The following TIAM2 variants were observed in gnomAD, a reference collection of about 807,000 sequenced individuals.
The protein encoded by TIAM2 is TIAM Rac1 associated GEF 2.
A neutral mutation model predicts 152.9 loss-of-function variants in TIAM2; 80 were observed. That is an observed-to-expected ratio of 0.52 (90% CI 0.44 to 0.63). The LOEUF (loss-of-function observed/expected upper bound fraction) is 0.63. TIAM2 is among the 30% of genes least tolerant of loss of function. The probability of loss-of-function intolerance (pLI) is 0.00; values close to 1 mark genes in which losing one functional copy is unlikely to be tolerated. For synonymous variants in TIAM2, 804 were observed against 838.0 expected (o/e 0.96, Z 0.70); for missense variants, 1,965 against 2,120.1 (o/e 0.93, Z 1.44).
At chr6:155,086,820 A>C (rs572858991) in intron 1 of TIAM2, among the ~76,000 whole-genome samples, 1 of 152,258 alleles carries the variant, frequency 6.6e-6, no homozygotes, top group East Asian at 1.9e-4. Context: ...GCCAAGCCAC[A>C]TATTAATCAC....
chr6:155,256,442 C>A, intron 26 of TIAM2, 42 bp from the exon 27 acceptor site: 1 of 1,613,198 alleles, frequency 6.2e-7, no homozygotes, highest in East Asian at 2.2e-5. Context: ...CATTGTGTAA[C>A]CTGTTTCTGT....
chr6:155,002,626 A>G (rs1778331372), intron 1 of TIAM2, among the ~76,000 whole-genome samples: 1 of 151,622 alleles, frequency 6.6e-6, no homozygotes, highest in Non-Finnish European at 1.5e-5. Context: ...ATCATATAAT[A>G]TTTAATTCTT....
intron 1 of TIAM2, among the ~76,000 whole-genome samples, chr6:155,076,771 C>A (rs1212004920): frequency 6.6e-6 from 1 of 152,196 alleles, no homozygotes; most frequent in Non-Finnish European, 1.5e-5. Context: ...TTGTGGCTCA[C>A]TGCAACCTCC....
Position 155,256,545 on chromosome 6 carries a change from T to C in TIAM2, c.4530T>C (p.Thr1510=), listed in dbSNP as rs1436136494. 1 of 1,614,102 alleles carries C rather than the reference T, an allele frequency of 6.2e-7. No individual in the cohort carries two copies. The highest frequency in any genetic ancestry group is 8.5e-7 in the Non-Finnish European group (1 of 1,180,046). Residue 1510 remains threonine (T), a synonymous_variant, in exon 27 of 27, where the codon ACT becomes ACC. Transcript: ENST00000682666. ...NSSSNEWTGE[T]GKGTLLDSDE... is the part of the protein sequence containing the mutation. ...CCAGCAACGAGTGGACCGGTGAGACTGGCAAGGGAACCTTGCTGGACTCTG... is the reference window on the plus strand; with the variant it reads ...CCAGCAACGAGTGGACCGGTGAGACCGGCAAGGGAACCTTGCTGGACTCTG...
intron 9 of TIAM2, among the ~76,000 whole-genome samples, chr6:155,169,219 T>A (rs1047647911): frequency 2.0e-5 from 3 of 152,124 alleles, no homozygotes; most frequent in Non-Finnish European, 4.4e-5. Context: ...ATGGTCTCGA[T>A]CTCCTGACCT....
chr6:155,221,949 T>C (rs1782059421), intron 15 of TIAM2, among the ~76,000 whole-genome samples: 1 of 151,950 alleles, frequency 6.6e-6, no homozygotes, highest in Non-Finnish European at 1.5e-5. Context: ...TCTTCTTATT[T>C]ATTTATTTAT....
At chr6:155,243,646 A>G (rs540822261) in intron 16 of TIAM2, among the ~76,000 whole-genome samples, 2 of 152,198 alleles carry the variant, frequency 1.3e-5, no homozygotes, top group African/African-American at 4.8e-5. Flanking sequence ...CAGGAGTTCG[A>G]GACCAGCCTG....
chr6:155,243,911 A>G, intron 16 of TIAM2, 100 bp from the exon 17 acceptor site: 3 of 622,576 alleles, frequency 4.8e-6, no homozygotes, highest in South Asian at 4.5e-5. Flanking sequence ...CATTATCCTG[A>G]TGGGAGCCTT....
Position 155,129,690 on chromosome 6 carries a change from G to T in TIAM2, c.467G>T (p.Arg156Leu). 1 of 1,614,078 alleles carries T rather than the reference G, an allele frequency of 6.2e-7. No individual in the cohort carries two copies. The highest frequency in any genetic ancestry group is 8.5e-7 in the Non-Finnish European group (1 of 1,180,026). Residue 156 changes from arginine to leucine, a missense_variant, in exon 4 of 27, where the codon CGC becomes CTC. Arg to Leu is a moderately radical substitution (Grantham distance 102, BLOSUM62 -2). Transcript: ENST00000682666. The surrounding 1 kb of genome is among the most constrained non-coding windows in gnomAD (Gnocchi z 4.8). ...GCCTCCACCCCACCGGGCGAAGACC[G>T]CAAGAGCCCCCGAGTGCTCATCAAA... ...SIASTPPGED[R>L]KSPRVLIKTL...
rs755821266 is a variant in TIAM2, at chr6:155,249,985, G to C, written c.3951+16G>C. The C allele has an allele frequency of 2.4e-5, 39 of 1,595,186 alleles. No homozygotes were observed. Among genetic ancestry groups the C allele is most frequent in the Non-Finnish European group, 3.3e-5 (38 of 1,166,482 alleles). ...AGAGAAGGAGGTCCGTGAGACATCTGCACCCTGGGAGCCTAGTGCATGTGG... is the reference window on the plus strand; with the variant it reads ...AGAGAAGGAGGTCCGTGAGACATCTCCACCCTGGGAGCCTAGTGCATGTGG... On this transcript the variant is annotated intron_variant, in intron 21 of 26. Coordinates refer to ENST00000682666, the MANE Select transcript of TIAM2 (RefSeq NM_012454.4).
At chr6:155,104,040 A>ACACACCCC (rs1562316893) in intron 2 of TIAM2, among the ~76,000 whole-genome samples, 1 of 57,732 alleles carries the variant, frequency 1.7e-5, no homozygotes, top group Admixed American at 2.1e-4. Flanking sequence ...ACACACACAC[A>ACACACCCC]CCCCCCCCCC....
At chr6:155,179,542 C>A (rs890602156) in intron 12 of TIAM2, 86 bp downstream of exon 12, 12 of 1,223,250 alleles carry the variant, frequency 9.8e-6, no homozygotes, top group Non-Finnish European at 1.3e-5. Context: ...TAATTTTTTC[C>A]CCTTACATTC....
intron 2 of TIAM2, among the ~76,000 whole-genome samples, chr6:155,098,004 T>A (rs1778456274): frequency 6.6e-6 from 1 of 152,226 alleles, no homozygotes; most frequent in African/African-American, 2.4e-5. Flanking sequence ...TGTTCTGTTC[T>A]ACTGGTGTAT....
intron 6 of TIAM2, among the ~76,000 whole-genome samples, chr6:155,147,567 C>T (rs1049773712): frequency 5.3e-5 from 8 of 152,184 alleles, no homozygotes; most frequent in African/African-American, 1.9e-4. Flanking sequence ...CTGACTGCAA[C>T]CTCCGCCTCC....
chr6:155,043,709 C>T (rs375668663), intron 1 of TIAM2, among the ~76,000 whole-genome samples: 7 of 151,354 alleles, frequency 4.6e-5, no homozygotes, highest in African/African-American at 1.2e-4. Context: ...AGCCCCCCTG[C>T]ACCCCCACTC....
chr6:155,122,499 G>GA (rs1271060489), intron 2 of TIAM2, among the ~76,000 whole-genome samples: 11 of 151,918 alleles, frequency 7.2e-5, no homozygotes, highest in African/African-American at 1.7e-4. Context: ...TGGGGATTGG[G>GA]AGGGAATGGA....
chr6:155,182,829 G>A (rs149627622), intron 13 of TIAM2, among the ~76,000 whole-genome samples: 5 of 152,324 alleles, frequency 3.3e-5, no homozygotes, highest in South Asian at 2.1e-4. Flanking sequence ...AGAATCTCTT[G>A]AACCGGGGAG....
chr6:155,114,036 A>ATATATATATATATT lies in TIAM2; in HGVS notation c.-117-13453_-117-13452insATATATATATATTT. Among the ~76,000 whole-genome samples, 97 of 34,878 alleles carry ATATATATATATATT rather than the reference A, an allele frequency of 2.8e-3. 1 individual carries two copies. The highest frequency in any genetic ancestry group is 3.4e-3 in the Non-Finnish European group (68 of 19,986). The allele number at this position is 34,878 out of a possible 152,430, so 22.9% of individuals were successfully genotyped here. A position where few individuals can be genotyped will look rare whatever the true frequency, so the allele number is the denominator to read the frequency against. ...ACTTTATATATATATATATATATATATTTTTTTTTTTTTCTTTTTTTTTTT... is the reference window on the plus strand; with the variant it reads ...ACTTTATATATATATATATATATATATATATATATATATTTTTTTTTTTTTTTCTTTTTTTTTTT... On this transcript the variant is annotated intron_variant, in intron 2 of 26. Transcript: ENST00000682666.
At chr6:155,154,040 CA>C (rs1780042379) in intron 7 of TIAM2, among the ~76,000 whole-genome samples, 1 of 152,188 alleles carries the variant, frequency 6.6e-6, no homozygotes, top group Non-Finnish European at 1.5e-5. Flanking sequence ...TGTGAAGCCA[CA>C]AAGGCAAAGG....
Sources: allele counts gnomAD v4.1 joint callset (sites outside exome capture counted in the v4.1 genomes callset), GRCh38; gene constraint gnomAD v4.1.1; non-coding constraint Gnocchi (gnomAD v3.1); transcripts MANE v1.5; gene names NCBI Gene and HGNC (gene_info 2026-07-23, HGNC 2026-07-21).